Variants in PTER observed in about 807,000 individuals in gnomAD.
PTER encodes phosphotriesterase related, also known as N-acetyltaurine hydrolase.
A neutral mutation model predicts 29.6 loss-of-function variants in PTER; 38 were observed. The ratio of observed to expected loss-of-function variants is 1.28; its 90% confidence interval spans 0.99 to 1.68. PTER has a LOEUF of 1.68. PTER is among the 40% of genes most tolerant of loss of function. PTER has a pLI of 0.00. For synonymous variants in PTER, 172 were observed against 154.5 expected (o/e 1.11, Z -0.84); for missense variants, 482 against 427.8 (o/e 1.13, Z -1.12).
chr10:16,463,670 C>A (rs984561175), intron 1 of PTER, among the ~76,000 whole-genome samples: 1 of 152,198 alleles, frequency 6.6e-6, no homozygotes, highest in African/African-American at 2.4e-5. Context: ...CTCATCTCGG[C>A]TTCCCAAACT....
chr10:16,469,658 C>T (rs1446683736), intron 1 of PTER, among the ~76,000 whole-genome samples: 1 of 152,144 alleles, frequency 6.6e-6, no homozygotes, highest in African/African-American at 2.4e-5. Context: ...TGGCTCATAG[C>T]CTCGAGTCCA....
chr10:16,477,104 A>G (rs1472640675), intron 1 of PTER, among the ~76,000 whole-genome samples: 4 of 151,946 alleles, frequency 2.6e-5, no homozygotes, highest in East Asian at 1.9e-4. Flanking sequence ...TGGGCTGGCC[A>G]TATTGCACAG....
intron 3 of PTER, among the ~76,000 whole-genome samples, chr10:16,499,336 T>A (rs902274120): frequency 6.6e-6 from 1 of 152,222 alleles, no homozygotes; most frequent in East Asian, 1.9e-4. Context: ...TCACTCACAC[T>A]ATTTTCTTCC....
At chr10:16,508,304 G>A (rs763100756) in intron 4 of PTER, among the ~76,000 whole-genome samples, 9 of 152,126 alleles carry the variant, frequency 5.9e-5, no homozygotes, top group African/African-American at 1.4e-4. Flanking sequence ...TCCTGACCTC[G>A]TGATCCGCCC....
At chr10:16,468,952 G>A (rs1588601809) in intron 1 of PTER, among the ~76,000 whole-genome samples, 1 of 151,920 alleles carries the variant, frequency 6.6e-6, no homozygotes, top group Admixed American at 6.6e-5. Flanking sequence ...CCCAGCCTGG[G>A]TGACAGAGTG....
chr10:16,499,094 C>G (rs1836231862), intron 3 of PTER, among the ~76,000 whole-genome samples: 1 of 152,122 alleles, frequency 6.6e-6, no homozygotes, highest in Admixed American at 6.5e-5. Context: ...GTTTGAAGCT[C>G]TTCAGGTTGA....
intron 1 of PTER, among the ~76,000 whole-genome samples, chr10:16,470,220 T>G (rs1834995382): frequency 6.6e-6 from 1 of 152,164 alleles, no homozygotes; most frequent in African/African-American, 2.4e-5. Flanking sequence ...CAGCAATGCA[T>G]TCGTGAAAAT....
At chr10:16,446,285 G>A (rs1426898921) in intron 1 of PTER, among the ~76,000 whole-genome samples, 2 of 150,120 alleles carry the variant, frequency 1.3e-5, no homozygotes, top group Non-Finnish European at 2.9e-5. Flanking sequence ...GTGTGATCTT[G>A]GCTAACTGCA....
At chr10:16,497,017 C>T (rs1211963864) in intron 3 of PTER, among the ~76,000 whole-genome samples, 2 of 151,632 alleles carry the variant, frequency 1.3e-5, no homozygotes, top group African/African-American at 4.9e-5. Context: ...TCACTGCAGC[C>T]TTTGCCTCCT....
At position 16,513,499 on chromosome 10, in the gene PTER, G is replaced by C. The variant is rs1288687342; in HGVS notation, c.*2243G>C. 1.3e-5 allele frequency: 2 copies of C among 152,242 alleles called. No individual in the cohort carries two copies. The highest frequency in any genetic ancestry group is 4.8e-5 in the African/African-American group (2 of 41,364). The allele number at this position is 152,242 out of a possible 1,614,324, so 9.4% of individuals were successfully genotyped here. On this transcript the variant is annotated 3_prime_UTR_variant, in exon 5 of 5. Transcript: ENST00000535784. ...ATGTGTGCATGTTTAGCAGATATTT[G>C]TATAAAATATAAACACTCTGTTGTC...
chr10:16,514,443 C>T (rs1354547302), downstream of PTER: 4 of 1,172,456 alleles, frequency 3.4e-6, no homozygotes, highest in Non-Finnish European at 1.2e-6. Flanking sequence ...CTGCCATTGG[C>T]ATCCCCTGGG....
At chr10:16,477,305 T>TGTCC (rs1374908458) in intron 1 of PTER, among the ~76,000 whole-genome samples, 2 of 108,934 alleles carry the variant, frequency 1.8e-5, no homozygotes, top group African/African-American at 7.3e-5. Flanking sequence ...GATAGATGGA[T>TGTCC]GTCTGTCTGT....
rs1197386666 is a variant in PTER at position 16,505,057 on chromosome 10, C to T, written c.736C>T (p.Gln246Ter). Residue 246 changes from glutamine to a stop codon, truncating the protein, a stop_gained, in exon 4 of 5, where the codon CAA (glutamine) becomes TAA (stop). Coordinates refer to ENST00000535784, the MANE Select transcript of PTER (RefSeq NM_001261836.2). LOFTEE classifies it high-confidence loss of function. ...TAAGAAAGAGCTCTTGGAGTTTGCT[C>T]AACTTGGCTGCTACTTGGAATATGA... is the stretch of plus-strand genomic sequence containing the variant. ...LDKKELLEFAQLGCYLEYDLF... is the reference protein window; with the variant it reads ...LDKKELLEFA 16 of 1,613,926 alleles carry T rather than the reference C, an allele frequency of 9.9e-6. No individual in the cohort carries two copies. The highest frequency in any genetic ancestry group is 1.3e-5 in the Non-Finnish European group (15 of 1,179,904).
At position 16,457,003 on chromosome 10, in the gene PTER, C is replaced by T. The variant is rs188899177; in HGVS notation, c.-49+19956C>T. Among the ~76,000 whole-genome samples, 393 of 152,144 alleles carry T rather than the reference C, an allele frequency of 2.6e-3. 5 individuals carry two copies. The highest frequency in any genetic ancestry group is 8.9e-3 in the African/African-American group (370 of 41,498). On this transcript the variant is annotated intron_variant, in intron 1 of 4. Coordinates refer to ENST00000535784, the MANE Select transcript of PTER (RefSeq NM_001261836.2). ...CATGATTGTGAGGCTTCTCTAGCCA[C>T]GTGCAACTGTGAGTCCATTAAACCT...
chr10:16,482,365 C>G (rs1008239301), intron 1 of PTER, among the ~76,000 whole-genome samples: 1 of 152,168 alleles, frequency 6.6e-6, no homozygotes, highest in Admixed American at 6.6e-5. Flanking sequence ...CCCCTCTCAT[C>G]AGCCACTTTC....
Position 16,495,460 on chromosome 10 carries a change from A to T in PTER, c.698+8843A>T, listed in dbSNP as rs1196796717. ...GCTGGGAGTATAGGCGTGAGCCACCATGCCCAACCTTCAATTACTTTTTTG... is the reference window on the plus strand; with the variant it reads ...GCTGGGAGTATAGGCGTGAGCCACCTTGCCCAACCTTCAATTACTTTTTTG... On this transcript the variant is annotated intron_variant, in intron 3 of 4. Coordinates refer to ENST00000535784, the MANE Select transcript of PTER (RefSeq NM_001261836.2). Among the ~76,000 whole-genome samples the T allele has an allele frequency of 3.3e-5, 5 of 152,322 alleles. No homozygotes were observed. In the Middle Eastern group the frequency reaches 0.01, roughly 311 times the overall value.
chr10:16,484,357 A>C lies in PTER; in HGVS notation c.-28A>C. 1 of 1,532,042 alleles carries C rather than the reference A, an allele frequency of 6.5e-7. No individual in the cohort carries two copies. Among genetic ancestry groups the C allele is most frequent in the Non-Finnish European group, 8.8e-7 (1 of 1,139,066 alleles). 94.9% of individuals were successfully genotyped at this position (1,532,042 alleles called of 1,614,324 possible). ...TTTAGAAAAAAGAAATCCTCTTTTT[A>C]GAACATCTCTTGGTGGTACCATCAG... is the stretch of plus-strand genomic sequence containing the variant. On this transcript the variant is annotated 5_prime_UTR_variant, in exon 2 of 5. Transcript: ENST00000535784.
In PTER at chr10:16,468,651, G is replaced by A. The variant is rs977533227; in HGVS notation, c.-48-15686G>A. ...AGGCAAAGATGTGACTCACCGCAACGAGCTCAAAGTCTGATGGAAAAGACA... is the reference window on the plus strand; with the variant it reads ...AGGCAAAGATGTGACTCACCGCAACAAGCTCAAAGTCTGATGGAAAAGACA... On this transcript the variant is annotated intron_variant, in intron 1 of 4. Coordinates refer to ENST00000535784, the MANE Select transcript of PTER (RefSeq NM_001261836.2). 5.9e-5 allele frequency among the ~76,000 whole-genome samples: 9 copies of A among 152,134 alleles called. No individual in the cohort carries two copies. In the South Asian group the frequency reaches 1.0e-3, roughly 18 times the overall value.
At chr10:16,439,965 G>A (rs1833788555) in intron 1 of PTER, among the ~76,000 whole-genome samples, 1 of 152,044 alleles carries the variant, frequency 6.6e-6, no homozygotes, top group South Asian at 2.1e-4. Context: ...CTTGACTGAG[G>A]TAGTTGTTGA....
Sources: allele counts gnomAD v4.1 joint callset (sites outside exome capture counted in the v4.1 genomes callset), GRCh38; gene constraint gnomAD v4.1.1; transcripts MANE v1.5; gene names NCBI Gene and HGNC (gene_info 2026-07-23, HGNC 2026-07-21).